Variants in ARHGAP19 observed in about 807,000 individuals in gnomAD.
The protein encoded by ARHGAP19 is Rho GTPase activating protein 19.
ARHGAP19 carries 48 observed loss-of-function variants against 60.9 expected under a neutral mutation model. The ratio of observed to expected loss-of-function variants is 0.79; its 90% CI spans 0.62 to 1.00. The LOEUF is 1.00. Ranked by LOEUF, ARHGAP19 falls within the 50% of genes least tolerant of loss-of-function variation. ARHGAP19 has a pLI of 0.00. For missense variants in ARHGAP19, 562 were observed against 597.2 expected (o/e 0.94, Z 0.61); for synonymous variants, 209 against 215.5 (o/e 0.97, Z 0.27).
intron 5 of ARHGAP19, among the ~76,000 whole-genome samples, chr10:97,258,466 A>C (rs2134875636): frequency 6.6e-6 from 1 of 152,278 alleles, no homozygotes; most frequent in Non-Finnish European, 1.5e-5. Context: ...CCTGGGAGGC[A>C]GAGATTGCAC....
At chr10:97,242,356 G>A (rs1242357106) in intron 8 of ARHGAP19, among the ~76,000 whole-genome samples, 12 of 97,556 alleles carry the variant, frequency 1.2e-4, no homozygotes, top group Admixed American at 7.3e-4. Flanking sequence ...TTTTTGAGAC[G>A]GGGTTTCGCT....
chr10:97,226,096 G>C lies in ARHGAP19; in HGVS notation c.*26C>G. 1 of 1,613,028 alleles carries C rather than the reference G, an allele frequency of 6.2e-7. No individual in the cohort carries two copies. The highest frequency in any genetic ancestry group is 8.5e-7 in the Non-Finnish European group (1 of 1,179,234). ...CCCACTAAACAGAAAATTCTGCATGGACCATAGGAGACAACTCTGGATCCT... is the reference window on the plus strand; with the variant it reads ...CCCACTAAACAGAAAATTCTGCATGCACCATAGGAGACAACTCTGGATCCT... On this transcript the variant is annotated 3_prime_UTR_variant, in exon 12 of 12. Coordinates refer to ENST00000358531, the MANE Select transcript of ARHGAP19 (RefSeq NM_032900.6).
chr10:97,249,749 A>T (rs558451987), intron 6 of ARHGAP19, among the ~76,000 whole-genome samples: 1 of 151,998 alleles, frequency 6.6e-6, no homozygotes, highest in African/African-American at 2.4e-5. Context: ...AAGCTAGTTG[A>T]TAAGAAATTC....
intron 1 of ARHGAP19, among the ~76,000 whole-genome samples, chr10:97,281,626 C>A (rs1843087182): frequency 6.6e-6 from 1 of 152,114 alleles, no homozygotes; most frequent in Non-Finnish European, 1.5e-5. Context: ...GTATAGGGGA[C>A]AAAAACTAAG....
At chr10:97,292,525 C>T (rs1843251223) in intron 1 of ARHGAP19, 47 bp downstream of exon 1, 3 of 1,611,630 alleles carry the variant, frequency 1.9e-6, no homozygotes, top group Non-Finnish European at 2.5e-6. Context: ...GCAGGACTAC[C>T]AGCCCAAGGC....
intron 9 of ARHGAP19, among the ~76,000 whole-genome samples, chr10:97,233,436 G>A (rs565467488): frequency 6.6e-6 from 1 of 152,192 alleles, no homozygotes; most frequent in South Asian, 2.1e-4. Context: ...TCCCTGTGTT[G>A]CTGGAATTAT....
intron 1 of ARHGAP19, among the ~76,000 whole-genome samples, chr10:97,291,463 A>G (rs1270347314): frequency 1.3e-5 from 2 of 151,998 alleles, no homozygotes; most frequent in Non-Finnish European, 2.9e-5. Flanking sequence ...CCGGCTAATT[A>G]TTGTATTTTT....
chr10:97,231,626 A>T (rs1410987766), intron 9 of ARHGAP19, among the ~76,000 whole-genome samples: 1 of 152,140 alleles, frequency 6.6e-6, no homozygotes, highest in East Asian at 1.9e-4. Flanking sequence ...ATGTTGTAGG[A>T]TATGTCAGAA....
At chr10:97,266,651 G>A (rs897033794) in intron 1 of ARHGAP19, among the ~76,000 whole-genome samples, 10 of 152,194 alleles carry the variant, frequency 6.6e-5, no homozygotes, top group African/African-American at 2.4e-4. Flanking sequence ...AAGAAAAAGA[G>A]CTTTAATGGA....
chr10:97,229,069 G>T, intron 11 of ARHGAP19, 78 bp downstream of exon 11: 1 of 1,358,444 alleles, frequency 7.4e-7, no homozygotes, highest in Non-Finnish European at 1.1e-6. Context: ...ACTATCCTGG[G>T]AATTCAAACA....
intron 1 of ARHGAP19, among the ~76,000 whole-genome samples, chr10:97,274,006 T>C (rs1842993508): frequency 6.6e-6 from 1 of 151,756 alleles, no homozygotes; most frequent in Non-Finnish European, 1.5e-5. Flanking sequence ...GACAACTACA[T>C]ACTATATGAT....
chr10:97,234,463 A>G (rs930546340), intron 9 of ARHGAP19, among the ~76,000 whole-genome samples: 7 of 151,194 alleles, frequency 4.6e-5, no homozygotes, highest in African/African-American at 1.7e-4. Flanking sequence ...TGGGGCAGCA[A>G]TCTCTTCCAA....
rs904146280 is a variant in ARHGAP19 at position 97,285,465 on chromosome 10, T to C, written c.56+7107A>G. 2.7e-5 allele frequency among the ~76,000 whole-genome samples: 4 copies of C among 150,612 alleles called. No individual in the cohort carries two copies. The Admixed American group carries it at 2.7e-4, about 10-fold the overall frequency. ...CTCCTGCTTCAGCCTCCCAAGTAGC[T>C]GGGACTGCGGGTATGTGCCACCATA... On this transcript the variant is annotated intron_variant, in intron 1 of 11. Coordinates refer to ENST00000358531, the MANE Select transcript of ARHGAP19 (RefSeq NM_032900.6).
At chr10:97,252,177 C>T (rs1842692927) in intron 6 of ARHGAP19, among the ~76,000 whole-genome samples, 1 of 151,930 alleles carries the variant, frequency 6.6e-6, no homozygotes, top group South Asian at 2.1e-4. Context: ...GACCTCATCT[C>T]TACAAAAAAT....
At chr10:97,271,917 A>AT (rs1460731056) in intron 1 of ARHGAP19, among the ~76,000 whole-genome samples, 3 of 151,824 alleles carry the variant, frequency 2.0e-5, no homozygotes, top group African/African-American at 7.2e-5. Context: ...AATAATACAG[A>AT]TTTTCTATTG....
intron 8 of ARHGAP19, among the ~76,000 whole-genome samples, chr10:97,235,630 T>C (rs1485065195): frequency 6.6e-6 from 1 of 152,136 alleles, no homozygotes; most frequent in East Asian, 1.9e-4. Context: ...CCAAGACTTT[T>C]TTGCAACAAA....
chr10:97,242,358 G>T (rs12241243), intron 8 of ARHGAP19, among the ~76,000 whole-genome samples: 3,215 of 135,432 alleles, frequency 0.024, 141 homozygotes, highest in African/African-American at 0.082. Context: ...TTTGAGACGG[G>T]GTTTCGCTCT....
chr10:97,233,866 T>TA (rs147341327), intron 9 of ARHGAP19, among the ~76,000 whole-genome samples: 52 of 95,666 alleles, frequency 5.4e-4, no homozygotes, highest in Middle Eastern at 0.01. Context: ...AGACTCCATC[T>TA]AAAAAAAAAA....
chr10:97,267,005 CAA>C (rs1842906954), intron 1 of ARHGAP19, among the ~76,000 whole-genome samples: 1 of 152,148 alleles, frequency 6.6e-6, no homozygotes, highest in Admixed American at 6.6e-5. Context: ...AACAGTCCCC[CAA>C]AGTCTTAACT....
Sources: gnomAD v4.1 joint callset for allele counts (sites outside exome capture counted in the v4.1 genomes callset) on GRCh38, gnomAD v4.1.1 for gene constraint, MANE v1.5 for transcripts, NCBI Gene and HGNC (gene_info 2026-07-23, HGNC 2026-07-21) for gene names.